The following MVD variants were observed in gnomAD, a reference collection of about 807,000 sequenced individuals.
MVD encodes mevalonate diphosphate decarboxylase.
In MVD, 52 loss-of-function variants were observed where a neutral mutation model predicts 42.4. The ratio of observed to expected loss-of-function variants is 1.23; its 90% confidence interval spans 0.98 to 1.55. The LOEUF is 1.55. Among genes scored for constraint, MVD ranks in the 40% most tolerant of loss-of-function variants. The pLI, the probability that MVD is intolerant of heterozygous loss-of-function variation, is 0.00. For synonymous variants in MVD, 287 were observed against 243.2 expected (o/e 1.18, Z -1.68); for missense variants, 663 against 572.1 (o/e 1.16, Z -1.62).
rs774423739 is a variant in MVD, at chr16:88,655,283, G to A, written c.813C>T (p.Phe271=). 1 of 1,593,006 alleles carries A rather than the reference G, an allele frequency of 6.3e-7. No individual in the cohort carries two copies. Among genetic ancestry groups the A allele is most frequent in the Admixed American group, 1.8e-5 (1 of 56,816 alleles). Residue 271 remains phenylalanine (F), a synonymous_variant, in exon 7 of 10, where the codon TTC becomes TTT. Transcript: ENST00000301012. ...TGGCATTGAGGTAAGAGATGGGCGG[G>A]AAGGTGTCGAGGCAGGTGGCGTGGA... is the stretch of plus-strand genomic sequence containing the variant. ...NQFHATCLDT[F]PPISYLNAIS...
chr16:88,655,894 C>G, intron 5 of MVD, 164 bp from the exon 6 acceptor site: 1 of 1,106,706 alleles, frequency 9.0e-7, no homozygotes, highest in Non-Finnish European at 1.3e-6. Context: ...AGGGGTGACG[C>G]AGGGGCAACT....
chr16:88,654,637 C>T (rs1441015323), intron 8 of MVD, 55 bp downstream of exon 8: 2 of 1,540,942 alleles, frequency 1.3e-6, no homozygotes, highest in African/African-American at 2.8e-5. Context: ...TCTCTTCCGA[C>T]CAGAGTTCCT....
chr16:88,657,634 C>A (rs1597380749), intron 3 of MVD, 52 bp from the exon 4 acceptor site: 3 of 1,590,544 alleles, frequency 1.9e-6, no homozygotes, highest in Non-Finnish European at 2.6e-6. Context: ...CCCTGCCCGC[C>A]CTGCTCCTGC....
chr16:88,662,948 G>T, intron 1 of MVD, 63 bp downstream of exon 1: 1 of 1,554,334 alleles, frequency 6.4e-7, no homozygotes, highest in Non-Finnish European at 8.7e-7. Flanking sequence ...ATCAGCGCGC[G>T]ACCCCCGCGT....
At position 88,652,104 on chromosome 16, in the gene MVD, T is replaced by C. The variant is rs1907601337; in HGVS notation, c.*421A>G. On this transcript the variant is annotated 3_prime_UTR_variant, in exon 10 of 10. Coordinates refer to ENST00000301012, the MANE Select transcript of MVD (RefSeq NM_002461.3). Reference sequence around the variant, plus strand: ...CGTGGGCAGCCACCATCCGAGGCACTTGGTGGTTTCCTGAGGCCCAAGGAG... The same window carrying C: ...CGTGGGCAGCCACCATCCGAGGCACCTGGTGGTTTCCTGAGGCCCAAGGAG... 2.5e-5 allele frequency: 6 copies of C among 242,792 alleles called. No individual in the cohort carries two copies. In the South Asian group the frequency reaches 2.5e-4, roughly 10 times the overall value. 15.0% of individuals were successfully genotyped at this position (242,792 alleles called of 1,614,324 possible).
rs779850940 is a variant in MVD at position 88,657,910 on chromosome 16, C to G, written c.256+5G>C. 5.0e-6 allele frequency: 8 copies of G among 1,612,828 alleles called. No individual in the cohort carries two copies. The African/African-American group carries it at 9.3e-5, about 19-fold the overall frequency. On this transcript the variant is annotated splice_donor_5th_base_variant and intron_variant, in intron 3 of 9. Transcript: ENST00000301012. ...AGGGATGGGCTTATGGGGACCCCAG[C>G]TCACTCTCCCGCAGGCAGGCCTGCA...
In MVD at chr16:88,652,252, C is replaced by G. The variant is rs1006331221; in HGVS notation, c.*273G>C. The G allele has an allele frequency of 3.5e-6, 2 of 574,220 alleles. No individual in the cohort carries two copies. Among genetic ancestry groups the G allele is most frequent in the Admixed American group, 6.0e-5 (2 of 33,274 alleles). The allele number at this position is 574,220 out of a possible 1,614,324, so 35.6% of individuals were successfully genotyped here. ...GTGAGAAAGCCCTTCAGCCCTGCTG[C>G]ACCGAGGCTCTGCCAGTTCTCATAC... On this transcript the variant is annotated 3_prime_UTR_variant, in exon 10 of 10. Coordinates refer to ENST00000301012, the MANE Select transcript of MVD (RefSeq NM_002461.3).
intron 1 of MVD, chr16:88,658,927 C>G (rs1171028919): frequency 1.7e-6 from 1 of 572,430 alleles, no homozygotes. Flanking sequence ...CAGAGCAGAG[C>G]TGGAGGCCAG....
At chr16:88,655,945 G>A (rs1455116075) in intron 5 of MVD, 160 bp downstream of exon 5, 7 of 1,163,680 alleles carry the variant, frequency 6.0e-6, no homozygotes, top group East Asian at 2.6e-5. Flanking sequence ...GCATGGGAGC[G>A]GTTCCTGAGC....
intron 8 of MVD, among the ~76,000 whole-genome samples, chr16:88,654,231 A>T (rs995575626): frequency 6.6e-6 from 1 of 152,134 alleles, no homozygotes; most frequent in Non-Finnish European, 1.5e-5. Context: ...GACCCCACCC[A>T]AGAAAAGACA....
intron 1 of MVD, among the ~76,000 whole-genome samples, chr16:88,661,433 A>G (rs937223088): frequency 3.3e-5 from 5 of 152,096 alleles, no homozygotes; most frequent in African/African-American, 1.2e-4. Context: ...CATGTTGGCC[A>G]AGCTGGTCTC....
Position 88,655,690 on chromosome 16 carries a change from A to G in MVD, c.644T>C (p.Met215Thr), listed in dbSNP as rs765664689. Residue 215 changes from methionine to threonine, a missense_variant, in exon 6 of 10, where the codon ATG becomes ACG. By Grantham distance (81) the Met-to-Thr change is moderately conservative. Transcript: ENST00000301012. ...EKKLTGSTVG[M>T]RASVETSPLL... Reference sequence around the variant, plus strand: ...GGGGCTGGTCTCCACACTGGCCCGCATGCCCACGGTACTGCCTGTCAGCTT... The same window carrying G: ...GGGGCTGGTCTCCACACTGGCCCGCGTGCCCACGGTACTGCCTGTCAGCTT... 9 of 1,559,658 alleles carry G rather than the reference A, an allele frequency of 5.8e-6. No individual in the cohort carries two copies. Among genetic ancestry groups the G allele is most frequent in the Non-Finnish European group, 5.2e-6 (6 of 1,152,028 alleles).
chr16:88,656,223 C>T lies in MVD; in HGVS notation c.485G>A (p.Ser162Asn), dbSNP rs769401934. ...ARRGSGSACR[S>N]LYGGFVEWQM... ...CCACTCCACAAAGCCCCCATACAGG[C>T]TCCGGCAGGCGCTGCCTGAGCCCCG... Residue 162 changes from serine (S) to asparagine (N), a missense_variant, in exon 5 of 10, where the codon AGC becomes AAC. By Grantham distance (46) the Ser-to-Asn change is conservative. Transcript: ENST00000301012. 1.2e-6 allele frequency: 2 copies of T among 1,600,542 alleles called. No homozygotes were observed. Among genetic ancestry groups the T allele is most frequent in the East Asian group, 2.2e-5 (1 of 44,890 alleles).
chr16:88,661,553 T>C (rs62048038), intron 1 of MVD, among the ~76,000 whole-genome samples: 10 of 151,800 alleles, frequency 6.6e-5, no homozygotes, highest in Admixed American at 1.3e-4. Context: ...TCCAAACTTA[T>C]AGTAAAAAAG....
intron 5 of MVD, 178 bp downstream of exon 5, chr16:88,655,927 C>T (rs898109199): frequency 7.2e-6 from 8 of 1,115,874 alleles, no homozygotes; most frequent in African/African-American, 6.3e-5. Context: ...CGGGTGGTGG[C>T]GCCCGCCGCA....
rs746844528 is a variant in MVD at position 88,663,046 on chromosome 16, C to T, written c.35G>A (p.Cys12Tyr). 1.9e-6 allele frequency: 3 copies of T among 1,610,540 alleles called. No homozygotes were observed. Among genetic ancestry groups the T allele is most frequent in the Non-Finnish European group, 2.5e-6 (3 of 1,178,934 alleles). The change falls in exon 1 of 10, where the codon TGT (cysteine) becomes TAT (tyrosine). Residue 12 changes from cysteine (C) to tyrosine (Y), a missense_variant. Coordinates refer to ENST00000301012, the MANE Select transcript of MVD (RefSeq NM_002461.3). The part of the protein sequence containing the change: ...ASEKPLAAVT[C>Y]TAPVNIAVIK... ...GACCGCGATGTTGACCGGCGCTGTA[C>T]AAGTGACTGCCGCCAGCGGCTTCTC...
chr16:88,657,959 T>A lies in MVD; in HGVS notation c.212A>T (p.Glu71Val). Residue 71 changes from glutamate (E) to valine (V), a missense_variant, in exon 3 of 10, where the codon GAG becomes GTG. Coordinates refer to ENST00000301012, the MANE Select transcript of MVD (RefSeq NM_002461.3). ...CAGCCGCGGCTGCCCCACATCCTCC[T>A]CCCGGCCATTCAGCCAAATCCGGTC... ...TEDRIWLNGREEDVGQPRLQA... is the reference protein window; with the variant it reads ...TEDRIWLNGRVEDVGQPRLQA... 6.2e-7 allele frequency: 1 copy of A among 1,613,842 alleles called. No homozygotes were observed. The highest frequency in any genetic ancestry group is 8.5e-7 in the Non-Finnish European group (1 of 1,180,018).
intron 8 of MVD, 144 bp from the exon 9 acceptor site, chr16:88,653,552 G>C: frequency 1.5e-6 from 1 of 650,152 alleles, no homozygotes. Context: ...GGCTGCTGTG[G>C]GGACAGGTTT....
intron 2 of MVD, 69 bp downstream of exon 2, chr16:88,658,580 AC>A: frequency 1.3e-6 from 2 of 1,493,878 alleles, no homozygotes; most frequent in Non-Finnish European, 1.8e-6. Context: ...ACCATACCCA[AC>A]GGGTACCAAC....
Sources: allele counts gnomAD v4.1 joint callset (sites outside exome capture counted in the v4.1 genomes callset), GRCh38; gene constraint gnomAD v4.1.1; transcripts MANE v1.5; gene names NCBI Gene and HGNC (gene_info 2026-07-23, HGNC 2026-07-21).